Variants in TERB1 observed in about 807,000 individuals in gnomAD.
The protein encoded by TERB1 is telomere repeats-binding bouquet formation protein 1.
A neutral mutation model predicts 92.3 loss-of-function variants in TERB1; 63 were observed. The observed-to-expected ratio is 0.68, with a 90% CI of 0.56 to 0.84. The LOEUF (loss-of-function observed/expected upper bound fraction) is 0.84, where lower values mean the gene tolerates loss of function less well. TERB1 is among the 40% of genes least tolerant of loss of function. TERB1 has a pLI of 0.00. For missense variants in TERB1, 709 were observed against 843.7 expected, an observed-to-expected ratio of 0.84 and a Z score of 1.98; for synonymous variants, 252 against 283.9, an observed-to-expected ratio of 0.89 and a Z score of 1.13.
chr16:66,770,984 G>A (rs2018440468), intron 13 of TERB1, among the ~76,000 whole-genome samples: 1 of 152,036 alleles, frequency 6.6e-6, no homozygotes, highest in South Asian at 2.1e-4. Flanking sequence ...CTGAGTAGCT[G>A]GGACCACAGG....
intron 3 of TERB1, among the ~76,000 whole-genome samples, chr16:66,793,312 G>A (rs2018868905): frequency 6.7e-6 from 1 of 148,912 alleles, no homozygotes; most frequent in South Asian, 2.1e-4. Flanking sequence ...TGCCTCCTAG[G>A]TTCAAGTGAT....
chr16:66,794,866 G>A (rs1016954450), intron 3 of TERB1, among the ~76,000 whole-genome samples: 6 of 150,650 alleles, frequency 4.0e-5, no homozygotes, highest in African/African-American at 1.5e-4. Context: ...GCCAAGATCC[G>A]GCCACTGCAC....
Position 66,777,211 on chromosome 16 carries a change from T to C in TERB1, c.977A>G (p.Glu326Gly), listed in dbSNP as rs780206976. 135 of 1,549,744 alleles carry C rather than the reference T, an allele frequency of 8.7e-5. No homozygotes were observed. Among genetic ancestry groups the C allele is most frequent in the Admixed American group, 1.8e-4 (9 of 50,692 alleles). The change falls in exon 11 of 19, where the codon GAG becomes GGG. Residue 326 changes from glutamate (E) to glycine (G), a missense_variant. Transcript: ENST00000433154. The part of the protein sequence containing the change: ...SIMLTLGHCT[E>G]DCEENQYDLF... ...ATAAATCCAATACTTACCACAATCC[T>C]CTGTGCAATGACCAAGAGTAAGCAT...
chr16:66,772,295 C>T (rs2018465849), intron 13 of TERB1, among the ~76,000 whole-genome samples: 1 of 152,126 alleles, frequency 6.6e-6, no homozygotes, highest in African/African-American at 2.4e-5. Context: ...GCCTGGCCAA[C>T]ATGAGGAAAC....
At chr16:66,777,098 A>G in intron 11 of TERB1, 105 bp downstream of exon 11, 3 of 1,098,102 alleles carry the variant, frequency 2.7e-6, no homozygotes, top group Non-Finnish European at 3.8e-6. Flanking sequence ...ACTAGGAGAA[A>G]AGCAATACTT....
intron 14 of TERB1, among the ~76,000 whole-genome samples, chr16:66,768,458 A>G (rs2018387416): frequency 1.3e-5 from 2 of 152,226 alleles, no homozygotes; most frequent in African/African-American, 4.8e-5. Context: ...TGAAGGCAAA[A>G]AGGAGAGAAC....
intron 2 of TERB1, among the ~76,000 whole-genome samples, chr16:66,799,517 C>T (rs375526701): frequency 7.0e-4 from 106 of 152,044 alleles, no homozygotes; most frequent in African/African-American, 2.3e-3. Flanking sequence ...TGTGAGCCAC[C>T]GTGCCTGGCC....
rs1959218457 is a variant in TERB1 at position 66,799,223 on chromosome 16, T to C, written c.-33+1754A>G. Among the ~76,000 whole-genome samples, 3 of 152,172 alleles carry C rather than the reference T, an allele frequency of 2.0e-5. No individual in the cohort carries two copies. The South Asian group carries it at 6.2e-4, about 31-fold the overall frequency. On this transcript the variant is annotated intron_variant, in intron 2 of 18. Transcript: ENST00000433154. ...TTAATGTAATTTTTAAGAGGTGTAA[T>C]GTATAACTTTTTCTTTTTTCTTTGG... is the stretch of plus-strand genomic sequence containing the variant.
intron 15 of TERB1, 41 bp downstream of exon 15, chr16:66,768,063 T>C: frequency 7.0e-7 from 1 of 1,437,244 alleles, no homozygotes; most frequent in Non-Finnish European, 9.6e-7. Context: ...TACCTAAATA[T>C]CTGTTTTATT....
At chr16:66,770,331 T>G in intron 13 of TERB1, 22 bp from the exon 14 acceptor site, 1 of 1,384,466 alleles carries the variant, frequency 7.2e-7, no homozygotes, top group Non-Finnish European at 9.8e-7. Flanking sequence ...AAATGACAAA[T>G]AATTTCAATA....
At chr16:66,779,764 T>C (rs567345877) in intron 9 of TERB1, among the ~76,000 whole-genome samples, 31 of 152,346 alleles carry the variant, frequency 2.0e-4, no homozygotes, top group African/African-American at 7.5e-4. Flanking sequence ...ATTCCTCAGA[T>C]TGACTCCTCA....
chr16:66,767,675 A>G (rs2018372024), intron 15 of TERB1, among the ~76,000 whole-genome samples, 165 bp from the exon 16 acceptor site: 1 of 152,186 alleles, frequency 6.6e-6, no homozygotes, highest in South Asian at 2.1e-4. Flanking sequence ...GAAGGCATTT[A>G]CAACAGAAAG....
intron 18 of TERB1, among the ~76,000 whole-genome samples, chr16:66,757,374 TA>T (rs2018154873): frequency 6.6e-6 from 1 of 152,222 alleles, no homozygotes; most frequent in South Asian, 2.1e-4. Context: ...GATTACAGCA[TA>T]TTTTTCATTG....
In TERB1 at chr16:66,754,992, G is replaced by T; in HGVS notation, c.2168C>A (p.Thr723Lys). The T allele has an allele frequency of 1.3e-6, 2 of 1,550,868 alleles. No homozygotes were observed. The highest frequency in any genetic ancestry group is 1.7e-6 in the Non-Finnish European group (2 of 1,146,820). ...TTCTTTCAATCAAGAAGCTGCACAC[G>T]TGGGGTGTTTGGTCAGCTTGTGGTA... ...HKYHKLTKHP[T>K]CAAS is the part of the protein sequence containing the mutation. Residue 723 changes from threonine to lysine, a missense_variant, in exon 19 of 19, where the codon ACG (threonine) becomes AAG (lysine). By Grantham distance (78) the Thr-to-Lys change is moderately conservative (BLOSUM62 -1). Coordinates refer to ENST00000433154, the MANE Select transcript of TERB1 (RefSeq NM_001136505.2).
rs10653807 is a variant in TERB1, at chr16:66,798,182, C to CTTT, written c.-32-1355_-32-1353dup. Among the ~76,000 whole-genome samples the CTTT allele has an allele frequency of 4.1e-3, 580 of 143,046 alleles. 3 individuals carry two copies. The highest frequency in any genetic ancestry group is 0.013 in the South Asian group (58 of 4,568). 93.8% of individuals were successfully genotyped at this position (143,046 alleles called of 152,430 possible). A position where few individuals can be genotyped will look rare whatever the true frequency, so the allele number is the denominator to read the frequency against. On this transcript the variant is annotated intron_variant, in intron 2 of 18. Transcript: ENST00000433154. Reference sequence around the variant, plus strand: ...AAATGTACAAGTATATTATTTTTGCCTTTTTTTTTTTTTAAGAGATAGGGT... The same window carrying CTTT: ...AAATGTACAAGTATATTATTTTTGCCTTTTTTTTTTTTTTTTAAGAGATAGGGT...
intron 10 of TERB1, 80 bp from the exon 11 acceptor site, chr16:66,777,414 T>A: frequency 1.2e-6 from 1 of 842,290 alleles, no homozygotes; most frequent in Non-Finnish European, 1.8e-6. Flanking sequence ...TTTTCAGAGT[T>A]TATTCAGGCA....
At chr16:66,773,575 C>T (rs1228254929) in intron 12 of TERB1, among the ~76,000 whole-genome samples, 2 of 152,230 alleles carry the variant, frequency 1.3e-5, no homozygotes, top group Admixed American at 6.5e-5. Flanking sequence ...TCACTGATAA[C>T]AAATTCCTTT....
At chr16:66,785,241 C>T (rs1001280819) in intron 9 of TERB1, among the ~76,000 whole-genome samples, 7 of 146,668 alleles carry the variant, frequency 4.8e-5, no homozygotes, top group African/African-American at 1.3e-4. Context: ...TGGGGTTTTA[C>T]CATGTTGGTC....
At chr16:66,763,702 C>T (rs1597009743) in intron 16 of TERB1, among the ~76,000 whole-genome samples, 1 of 152,154 alleles carries the variant, frequency 6.6e-6, no homozygotes, top group African/African-American at 2.4e-5. Flanking sequence ...AACAAACCTG[C>T]ACATCCTGCA....
Sources: allele counts gnomAD v4.1 joint callset (sites outside exome capture counted in the v4.1 genomes callset), GRCh38; gene constraint gnomAD v4.1.1; transcripts MANE v1.5; gene names NCBI Gene and HGNC (gene_info 2026-07-23, HGNC 2026-07-21).